NIBAN2: variants seen among roughly 807,000 people sequenced by gnomAD.
NIBAN2 encodes niban apoptosis regulator 2.
In NIBAN2, 36 loss-of-function variants were observed where a neutral mutation model predicts 81.8. That is an observed-to-expected ratio of 0.44 (90% CI 0.34 to 0.58). NIBAN2 has a LOEUF of 0.58. Among genes scored for constraint, NIBAN2 ranks in the 20% least tolerant of loss-of-function variants. The probability of loss-of-function intolerance (pLI) is 0.02; values close to 1 mark genes in which losing one functional copy is unlikely to be tolerated. For synonymous variants in NIBAN2, 445 were observed against 441.6 expected (o/e 1.01, Z -0.10); for missense variants, 897 against 1,014.1 (o/e 0.88, Z 1.57).
upstream of NIBAN2, among the ~76,000 whole-genome samples, chr9:127,573,685 G>A (rs549471188): frequency 1.2e-4 from 19 of 152,188 alleles, no homozygotes; most frequent in African/African-American, 2.2e-4. Context: ...ACAGGGTCTC[G>A]TTCTGTTGCC....
intron 3 of NIBAN2, among the ~76,000 whole-genome samples, chr9:127,526,398 C>CAA (rs71495649): frequency 0.063 from 5,770 of 92,018 alleles, 241 homozygotes; most frequent in African/African-American, 0.09. Flanking sequence ...GACTTCATCT[C>CAA]AAAAAAAAAA....
chr9:127,567,815 C>T (rs926003326), intron 1 of NIBAN2, among the ~76,000 whole-genome samples: 18 of 152,172 alleles, frequency 1.2e-4, no homozygotes, highest in African/African-American at 3.9e-4. Flanking sequence ...AGTTACTTCA[C>T]GTAAGCCTCC....
At chr9:127,578,469 C>T (rs1342714543) in intron 1 of NIBAN2, among the ~76,000 whole-genome samples, 3 of 151,692 alleles carry the variant, frequency 2.0e-5, no homozygotes, top group Admixed American at 1.3e-4. Flanking sequence ...CAAGACCAGC[C>T]TGGCCAACAT....
At chr9:127,530,465 C>G (rs1234951931) in intron 2 of NIBAN2, among the ~76,000 whole-genome samples, 1 of 151,990 alleles carries the variant, frequency 6.6e-6, no homozygotes, top group Non-Finnish European at 1.5e-5. Flanking sequence ...GGGAGGATCT[C>G]TTGAGTCCCG....
chr9:127,578,686 A>G (rs995436894), intron 1 of NIBAN2, among the ~76,000 whole-genome samples: 2 of 143,624 alleles, frequency 1.4e-5, no homozygotes, highest in African/African-American at 5.7e-5. Context: ...AAAAGAAAAG[A>G]AAAGAAAAAG....
intron 1 of NIBAN2, among the ~76,000 whole-genome samples, chr9:127,550,441 TTTAATAA>T (rs1837555909): frequency 6.6e-6 from 1 of 152,260 alleles, no homozygotes; most frequent in African/African-American, 2.4e-5. Context: ...ACAACTTTGC[TTTAATAA>T]TTCATTGTTC....
Position 127,506,755 on chromosome 9 carries a change from A to C in NIBAN2, c.*90T>G. On this transcript the variant is annotated 3_prime_UTR_variant, in exon 14 of 14. Coordinates refer to ENST00000373312, the MANE Select transcript of NIBAN2 (RefSeq NM_022833.4). ...CCTGCCCCGCCTCCACCCACAAGGC[A>C]CAGACCAGGGTGCCCTCCCCAGAGC... The C allele has an allele frequency of 7.9e-7, 1 of 1,272,882 alleles. No homozygotes were observed. The highest frequency in any genetic ancestry group is 1.1e-6 in the Non-Finnish European group (1 of 925,668). The allele number at this position is 1,272,882 out of a possible 1,614,324, so 78.8% of individuals were successfully genotyped here. A position where few individuals can be genotyped will look rare whatever the true frequency, so the allele number is the denominator to read the frequency against.
intron 1 of NIBAN2, chr9:127,578,847 A>G: frequency 4.4e-5 from 58 of 1,332,352 alleles, no homozygotes; most frequent in Non-Finnish European, 5.2e-5. Flanking sequence ...ACAGAGCAAA[A>G]CCTCCTCTCT....
intron 8 of NIBAN2, among the ~76,000 whole-genome samples, chr9:127,515,246 C>T (rs892721048): frequency 1.3e-5 from 2 of 152,120 alleles, no homozygotes. Flanking sequence ...GGCGGCCAGG[C>T]GCGGTGGCTC....
chr9:127,577,812 C>T (rs1400894911), intron 1 of NIBAN2, among the ~76,000 whole-genome samples: 1 of 152,088 alleles, frequency 6.6e-6, no homozygotes, highest in Non-Finnish European at 1.5e-5. Flanking sequence ...AACTCCTGGG[C>T]TCAAACAATC....
chr9:127,531,538 G>T, intron 2 of NIBAN2, 110 bp downstream of exon 2: 1 of 1,008,738 alleles, frequency 9.9e-7, no homozygotes, highest in Non-Finnish European at 1.5e-6. Flanking sequence ...ACCCTTAGAG[G>T]CCATCACAGT....
intron 1 of NIBAN2, among the ~76,000 whole-genome samples, chr9:127,561,536 A>G (rs1837774437): frequency 6.6e-6 from 1 of 152,156 alleles, no homozygotes; most frequent in Non-Finnish European, 1.5e-5. Flanking sequence ...CAGGTTGACT[A>G]ACTTGCCCCC....
At chr9:127,569,226 C>CG (rs1484196846), upstream of NIBAN2, 1 of 364,566 alleles carries the variant, frequency 2.7e-6, no homozygotes, top group East Asian at 2.1e-4. Flanking sequence ...CGGTCCTGCA[C>CG]CCCCCTGCGC....
In NIBAN2 at chr9:127,527,149, G is replaced by C. The variant is rs1458900986; in HGVS notation, c.315+45C>G. 5 of 1,604,442 alleles carry C rather than the reference G, an allele frequency of 3.1e-6. No individual in the cohort carries two copies. In the East Asian group the frequency reaches 8.9e-5, roughly 29 times the overall value. On this transcript the variant is annotated intron_variant, in intron 3 of 13. Transcript: ENST00000373312. ...CGAGTTGGGGGAGGGGGCACACATG[G>C]AGAAAGCGGGGAGGCTCAGTGTGGC...
rs1588147989 is a variant in NIBAN2 at position 127,506,806 on chromosome 9, A to G, written c.*39T>C. The G allele has an allele frequency of 2.0e-6, 3 of 1,535,848 alleles. No individual in the cohort carries two copies. Among genetic ancestry groups the G allele is most frequent in the Non-Finnish European group, 1.8e-6 (2 of 1,133,736 alleles). On this transcript the variant is annotated 3_prime_UTR_variant, in exon 14 of 14. Transcript: ENST00000373312. ...TGAGCCTGCCTGGGTCCGGAAGGGA[A>G]CGGCCTGTGCCATGTGCAGCAGTCA...
rs914328810 is a variant in NIBAN2 at position 127,536,888 on chromosome 9, A to G, written c.56-5110T>C. ...AAACTGGCTGTGCCCCCATCTACAG[A>G]GGCAGGGCTGGCCCGCAGGTCCTGG... is the stretch of plus-strand genomic sequence containing the variant. On this transcript the variant is annotated intron_variant, in intron 1 of 13. Transcript: ENST00000373312. The surrounding 1 kb of genome is among the most constrained non-coding windows in gnomAD (Gnocchi z 4.0). Among the ~76,000 whole-genome samples, 4 of 152,140 alleles carry G rather than the reference A, an allele frequency of 2.6e-5. No homozygotes were observed. Among genetic ancestry groups the G allele is most frequent in the Admixed American group, 6.5e-5 (1 of 15,280 alleles).
At position 127,507,120 on chromosome 9, in the gene NIBAN2, G is replaced by A. The variant is rs1836617561; in HGVS notation, c.1966C>T (p.Leu656=). The A allele has an allele frequency of 7.5e-6, 12 of 1,592,228 alleles. No individual in the cohort carries two copies. In the South Asian group the frequency reaches 1.2e-4, roughly 16 times the overall value. Residue 656 remains leucine (L), a synonymous_variant, in exon 14 of 14, where the codon CTG becomes TTG. Transcript: ENST00000373312. The surrounding 1 kb of genome is among the most constrained non-coding windows in gnomAD (Gnocchi z 6.8). ...SPDGVTEIRG[L]LAQGLRPESP... is the part of the protein sequence containing the mutation. ...TCAGGCCGCAGACCTTGGGCCAGCA[G>A]GCCTCGGATCTCAGTGACACCGTCC...
chr9:127,567,576 G>C (rs1357161250), intron 1 of NIBAN2, among the ~76,000 whole-genome samples: 1 of 152,224 alleles, frequency 6.6e-6, no homozygotes, highest in Non-Finnish European at 1.5e-5. Flanking sequence ...CAGCATGGGT[G>C]CGGCCCTGGA....
In NIBAN2 at chr9:127,505,430, C is replaced by G. The variant is rs1008695641; in HGVS notation, c.*1415G>C. 4 of 152,742 alleles carry G rather than the reference C, an allele frequency of 2.6e-5. No homozygotes were observed. Among genetic ancestry groups the G allele is most frequent in the East Asian group, 1.9e-4 (1 of 5,180 alleles). 9.5% of individuals were successfully genotyped at this position (152,742 alleles called of 1,614,324 possible). A position where few individuals can be genotyped will look rare whatever the true frequency, so the allele number is the denominator to read the frequency against. ...ATATCAGGGAGGGATGATGGGAACCCCTCAAAAGGCACTAGAGGCGCAGAT... is the reference window on the plus strand; with the variant it reads ...ATATCAGGGAGGGATGATGGGAACCGCTCAAAAGGCACTAGAGGCGCAGAT... On this transcript the variant is annotated 3_prime_UTR_variant, in exon 14 of 14. Transcript: ENST00000373312.
Sources: gnomAD v4.1 joint callset for allele counts (sites outside exome capture counted in the v4.1 genomes callset) on GRCh38, gnomAD v4.1.1 for gene constraint, Gnocchi (gnomAD v3.1) non-coding constraint, MANE v1.5 for transcripts, NCBI Gene and HGNC (gene_info 2026-07-23, HGNC 2026-07-21) for gene names.